PACS1: variants seen among roughly 807,000 people sequenced by gnomAD.
PACS1 encodes the protein phosphofurin acidic cluster sorting protein 1.
PACS1 carries 24 observed loss-of-function variants against 115.0 expected under a neutral mutation model. That is an observed-to-expected ratio of 0.21 (90% CI 0.15 to 0.29). The LOEUF (loss-of-function observed/expected upper bound fraction) is 0.29, where lower values mean the gene tolerates loss of function less well. Among genes scored for constraint, PACS1 ranks in the 10% least tolerant of loss-of-function variants. The pLI is 1.00. For synonymous variants in PACS1, 453 were observed against 504.5 expected (o/e 0.90, Z 1.37); for missense variants, 838 against 1,251.2 (o/e 0.67, Z 4.98).
intron 1 of PACS1, among the ~76,000 whole-genome samples, chr11:66,190,534 T>G (rs972221801): frequency 2.0e-5 from 3 of 152,148 alleles, no homozygotes; most frequent in African/African-American, 4.8e-5. Flanking sequence ...CAAGCGATTC[T>G]CCTGCCTCAG....
At chr11:66,172,795 G>A (rs574135135) in intron 1 of PACS1, among the ~76,000 whole-genome samples, 18 of 152,184 alleles carry the variant, frequency 1.2e-4, no homozygotes, top group African/African-American at 4.1e-4. Flanking sequence ...GGCCAACATG[G>A]TGAAACCCCG....
intron 1 of PACS1, among the ~76,000 whole-genome samples, chr11:66,104,279 C>CA (rs1857985329): frequency 6.6e-6 from 1 of 152,170 alleles, no homozygotes; most frequent in Non-Finnish European, 1.5e-5. Flanking sequence ...TTGCAAATGT[C>CA]AGTCACGGCA....
At chr11:66,189,952 T>C (rs1188323325) in intron 1 of PACS1, among the ~76,000 whole-genome samples, 2 of 152,168 alleles carry the variant, frequency 1.3e-5, no homozygotes, top group Non-Finnish European at 2.9e-5. Flanking sequence ...TGAAACTGCC[T>C]GCTATAACCT....
At chr11:66,089,644 C>T (rs976097465) in intron 1 of PACS1, among the ~76,000 whole-genome samples, 11 of 152,254 alleles carry the variant, frequency 7.2e-5, no homozygotes, top group Non-Finnish European at 1.2e-4. Context: ...ATCTAGCTGA[C>T]TACTCAGAGT....
intron 1 of PACS1, among the ~76,000 whole-genome samples, chr11:66,188,520 A>G (rs1301531403): frequency 6.6e-6 from 1 of 152,194 alleles, no homozygotes; most frequent in Non-Finnish European, 1.5e-5. Context: ...AGCACTTGGA[A>G]TTATCAGCCT....
chr11:66,081,772 A>G (rs1038636135), intron 1 of PACS1, among the ~76,000 whole-genome samples: 13 of 152,216 alleles, frequency 8.5e-5, no homozygotes, highest in Non-Finnish European at 1.3e-4. Context: ...TGGCAGCAGA[A>G]GAGCAACTGA....
chr11:66,239,710 G>A (rs1038628021), intron 21 of PACS1, among the ~76,000 whole-genome samples: 1 of 152,238 alleles, frequency 6.6e-6, no homozygotes, highest in Admixed American at 6.5e-5. Context: ...CCTCCCAGGT[G>A]CAAGAAAGAG....
intron 4 of PACS1, among the ~76,000 whole-genome samples, chr11:66,214,620 CTTTTTTT>C (rs578031707): frequency 8.7e-6 from 1 of 115,348 alleles, no homozygotes; most frequent in Admixed American, 1.0e-4. Context: ...TTTTTCTTTT[CTTTTTTT>C]TTTTTTTTTC....
intron 1 of PACS1, among the ~76,000 whole-genome samples, chr11:66,191,369 A>G (rs929273525): frequency 2.0e-5 from 3 of 152,166 alleles, no homozygotes; most frequent in Admixed American, 6.5e-5. Flanking sequence ...CCCTTTTGCC[A>G]TGGGACTTTG....
Position 66,235,891 on chromosome 11 carries a change from C to T in PACS1, c.2208-7C>T. 1 of 1,613,218 alleles carries T rather than the reference C, an allele frequency of 6.2e-7. No individual in the cohort carries two copies. The highest frequency in any genetic ancestry group is 8.5e-7 in the Non-Finnish European group (1 of 1,179,174). ...TAACTATGAAGCTCTCCTGTGTCTC[C>T]CAACAGCCCTGATGAAGACTCCTAT... On this transcript the variant is annotated splice_region_variant and splice_polypyrimidine_tract_variant and intron_variant, in intron 18 of 23. Coordinates refer to ENST00000320580, the MANE Select transcript of PACS1 (RefSeq NM_018026.4). This position sits in a 1 kb window ranked among gnomAD's most constrained non-coding sequence, Gnocchi z 5.6.
At chr11:66,093,165 ATTTG>A (rs1857699587) in intron 1 of PACS1, among the ~76,000 whole-genome samples, 1 of 152,180 alleles carries the variant, frequency 6.6e-6, no homozygotes, top group African/African-American at 2.4e-5. Context: ...ATGTTCTTCT[ATTTG>A]TTTGTATCCT....
chr11:66,087,398 T>C (rs531017816), intron 1 of PACS1, among the ~76,000 whole-genome samples: 31 of 152,178 alleles, frequency 2.0e-4, no homozygotes, highest in African/African-American at 7.2e-4. Flanking sequence ...TGCGCTACCA[T>C]GCCCCGCTAA....
chr11:66,223,956 G>T (rs1249194894), intron 10 of PACS1, among the ~76,000 whole-genome samples: 2 of 152,184 alleles, frequency 1.3e-5, no homozygotes, highest in African/African-American at 2.4e-5. Context: ...CCAGCACTTT[G>T]GGAGGCCGAG....
At chr11:66,173,037 G>A (rs2134642421) in intron 1 of PACS1, among the ~76,000 whole-genome samples, 1 of 150,084 alleles carries the variant, frequency 6.7e-6, no homozygotes, top group African/African-American at 2.4e-5. Flanking sequence ...ATACATTAGT[G>A]AGAGTATTCT....
chr11:66,189,525 G>C (rs1269758667), intron 1 of PACS1, among the ~76,000 whole-genome samples: 5 of 152,236 alleles, frequency 3.3e-5, no homozygotes, highest in African/African-American at 1.2e-4. Flanking sequence ...CAGCAGCACA[G>C]AACGTAACGT....
chr11:66,182,322 A>C (rs1860028295), intron 1 of PACS1, among the ~76,000 whole-genome samples: 1 of 152,218 alleles, frequency 6.6e-6, no homozygotes, highest in Non-Finnish European at 1.5e-5. Context: ...ATGGCTATGG[A>C]GTAAAATATC....
At chr11:66,220,032 G>A (rs1488867133) in intron 8 of PACS1, among the ~76,000 whole-genome samples, 2 of 152,058 alleles carry the variant, frequency 1.3e-5, no homozygotes, top group African/African-American at 4.8e-5. Flanking sequence ...GCACAGCTAC[G>A]CCCGACCCTT....
chr11:66,161,727 A>G (rs1168913840), intron 1 of PACS1, among the ~76,000 whole-genome samples: 1 of 152,226 alleles, frequency 6.6e-6, no homozygotes, highest in Non-Finnish European at 1.5e-5. Flanking sequence ...CAGCCAGAAA[A>G]GTAAGTAGAA....
chr11:66,193,476 G>A lies in PACS1; in HGVS notation c.357-10G>A. On this transcript the variant is annotated splice_polypyrimidine_tract_variant and intron_variant, in intron 1 of 23. Coordinates refer to ENST00000320580, the MANE Select transcript of PACS1 (RefSeq NM_018026.4). The stretch of plus-strand genomic sequence containing the variant: ...GCATATGACAGCATCTTCCTTCTCT[G>A]TTTTTCTAGGCTATTCAGCTTGACC... 1.9e-6 allele frequency: 3 copies of A among 1,600,416 alleles called. No homozygotes were observed. The highest frequency in any genetic ancestry group is 2.6e-6 in the Non-Finnish European group (3 of 1,167,726).
Sources: gnomAD v4.1 joint callset for allele counts (sites outside exome capture counted in the v4.1 genomes callset) on GRCh38, gnomAD v4.1.1 for gene constraint, Gnocchi (gnomAD v3.1) non-coding constraint, MANE v1.5 for transcripts, NCBI Gene and HGNC (gene_info 2026-07-23, HGNC 2026-07-21) for gene names.